GSDMD: variants seen among roughly 807,000 people sequenced by gnomAD.
GSDMD encodes the protein gasdermin-D.
Under a neutral mutation model 46.7 loss-of-function variants are expected in GSDMD, and 46 were observed. The ratio of observed to expected loss-of-function variants is 0.99; its 90% CI spans 0.78 to 1.26. GSDMD has a LOEUF of 1.26. GSDMD is among the 50% of genes most tolerant of loss of function. The probability of loss-of-function intolerance (pLI) is 0.00; values close to 1 mark genes in which losing one functional copy is unlikely to be tolerated. For synonymous variants in GSDMD, 307 were observed against 283.1 expected (o/e 1.08, Z -0.85); for missense variants, 649 against 638.8 (o/e 1.02, Z -0.17).
rs1265093573 is a variant in GSDMD, at chr8:143,561,361, G to A, written c.683-9G>A. On this transcript the variant is annotated splice_polypyrimidine_tract_variant and intron_variant, in intron 5 of 10. Transcript: ENST00000262580. ...TGCCTGTCCCTGTCTGCTCCCGTCT[G>A]GCTGCCAGACGTCCTTCTCTTCCCG... 6.2e-7 allele frequency: 1 copy of A among 1,603,604 alleles called. No individual in the cohort carries two copies. The highest frequency in any genetic ancestry group is 8.5e-7 in the Non-Finnish European group (1 of 1,175,118).
Position 143,558,571 on chromosome 8 carries a change from G to A in GSDMD, c.-5+120G>A, listed in dbSNP as rs954633406. 23 of 1,012,104 alleles carry A rather than the reference G, an allele frequency of 2.3e-5. No individual in the cohort carries two copies. In the South Asian group the frequency reaches 3.9e-4, roughly 17 times the overall value. 62.7% of individuals were successfully genotyped at this position (1,012,104 alleles called of 1,614,324 possible). ...CCAGCGTTCGCCCAGAAGGCCCCGC[G>A]CCGCACACGGGGGCGGAAGCTCCAG... On this transcript the variant is annotated intron_variant, in intron 1 of 10. Coordinates refer to ENST00000262580, the MANE Select transcript of GSDMD (RefSeq NM_024736.7).
intron 10 of GSDMD, 67 bp from the exon 11 acceptor site, chr8:143,562,595 G>A: frequency 6.3e-7 from 1 of 1,596,520 alleles, no homozygotes; most frequent in South Asian, 1.1e-5. Context: ...CCTGGGAAGG[G>A]GTGGTATGGG....
chr8:143,563,049 G>C lies in GSDMD; in HGVS notation c.*145G>C. ...GAGTTGGGGAAACACAATAAAGGTG[G>C]CATACGAAGGAAAGGCTGGTAGCAG... On this transcript the variant is annotated 3_prime_UTR_variant, in exon 11 of 11. Transcript: ENST00000262580. 1.1e-6 allele frequency: 1 copy of C among 898,190 alleles called. No homozygotes were observed. Among genetic ancestry groups the C allele is most frequent in the South Asian group, 1.4e-5 (1 of 72,898 alleles). The allele number at this position is 898,190 out of a possible 1,614,324, so 55.6% of individuals were successfully genotyped here.
In GSDMD at chr8:143,558,395, G is replaced by A. The variant is rs997652503; in HGVS notation, c.-61G>A. On this transcript the variant is annotated 5_prime_UTR_variant, in exon 1 of 11. Coordinates refer to ENST00000262580, the MANE Select transcript of GSDMD (RefSeq NM_024736.7). ...ACCTCCAGCTCCTGCTCGCCGGACG[G>A]CTCCCAGGGAGAGCAGACGCGCCAG... 1 of 1,516,380 alleles carries A rather than the reference G, an allele frequency of 6.6e-7. No individual in the cohort carries two copies. Among genetic ancestry groups the A allele is most frequent in the Non-Finnish European group, 8.8e-7 (1 of 1,138,848 alleles). The allele number at this position is 1,516,380 out of a possible 1,614,324, so 93.9% of individuals were successfully genotyped here.
intron 1 of GSDMD, 52 bp from the exon 2 acceptor site, chr8:143,559,280 T>TACCCCCC: frequency 3.5e-6 from 2 of 579,430 alleles, no homozygotes; most frequent in Non-Finnish European, 6.4e-6. Flanking sequence ...CTTCTCCCAC[T>TACCCCCC]CCCTCCCGCC....
chr8:143,555,480 C>A (rs1563901488), upstream of GSDMD, among the ~76,000 whole-genome samples: 1 of 152,228 alleles, frequency 6.6e-6, no homozygotes, highest in Non-Finnish European at 1.5e-5. Context: ...CCAGCCAGGA[C>A]CTTGACCCCT....
upstream of GSDMD, among the ~76,000 whole-genome samples, chr8:143,554,371 T>C (rs1427626049): frequency 1.3e-5 from 2 of 151,190 alleles, no homozygotes; most frequent in African/African-American, 2.4e-5. Flanking sequence ...CGCACGTGCA[T>C]GCACCCGCAC....
intron 10 of GSDMD, 30 bp from the exon 11 acceptor site, chr8:143,562,632 A>C (rs746210048): frequency 3.2e-5 from 51 of 1,601,464 alleles, no homozygotes; most frequent in Admixed American, 1.4e-4. Flanking sequence ...AGATTTCCCC[A>C]TCTGACTCAC....
intron 1 of GSDMD, chr8:143,558,699 G>C (rs1334708856): frequency 5.1e-6 from 3 of 587,130 alleles, no homozygotes; most frequent in African/African-American, 1.9e-5. Flanking sequence ...GGCCGGTGCT[G>C]TTCCCGCCCC....
In GSDMD at chr8:143,561,768, G is replaced by T. The variant is rs201739470; in HGVS notation, c.763G>T (p.Ala255Ser). The T allele has an allele frequency of 6.2e-7, 1 of 1,609,630 alleles. No homozygotes were observed. The change falls in exon 7 of 11, where the codon GCC becomes TCC. Residue 255 changes from alanine to serine, a missense_variant. Physicochemically the swap from Ala to Ser is moderately conservative, Grantham distance 99. Transcript: ENST00000262580. ...CCACAAGCGTTCCACGAGCGAAGGC[G>T]CCTGGCCACAGCTGCCCTCTGGCCT... ...TGHKRSTSEG[A>S]WPQLPSGLSM...
At chr8:143,562,167 T>C (rs1163335508) in intron 8 of GSDMD, 36 bp downstream of exon 8, 2 of 1,595,206 alleles carry the variant, frequency 1.3e-6, no homozygotes, top group East Asian at 4.5e-5. Flanking sequence ...ACACAAGGCC[T>C]GCCCAGCCAG....
At chr8:143,558,161 A>C (rs927073711), upstream of GSDMD, 4 of 677,980 alleles carry the variant, frequency 5.9e-6, no homozygotes, top group African/African-American at 1.9e-5. Flanking sequence ...TCAGAGTTTT[A>C]AGAAAAACCA....
chr8:143,558,196 A>G (rs1823353146), upstream of GSDMD: 2 of 865,534 alleles, frequency 2.3e-6, no homozygotes, highest in Non-Finnish European at 3.4e-6. Context: ...GTTTGAGGCT[A>G]CCAGGATGGG....
rs747418016 is a variant in GSDMD at position 143,560,840 on chromosome 8, C to T, written c.579+69C>T. 2.6e-5 allele frequency: 38 copies of T among 1,443,172 alleles called. No homozygotes were observed. The highest frequency in any genetic ancestry group is 8.1e-5 in the East Asian group (3 of 37,264). The allele number at this position is 1,443,172 out of a possible 1,614,324, so 89.4% of individuals were successfully genotyped here. A position where few individuals can be genotyped will look rare whatever the true frequency, so the allele number is the denominator to read the frequency against. On this transcript the variant is annotated intron_variant, in intron 4 of 10. Transcript: ENST00000262580. ...ATGCGGCGGCGGGTGACGGAGGCGGCGGGCTGGGCTCCGCCAAGGCCCCTC... is the reference window on the plus strand; with the variant it reads ...ATGCGGCGGCGGGTGACGGAGGCGGTGGGCTGGGCTCCGCCAAGGCCCCTC...
intron 7 of GSDMD, 29 bp from the exon 8 acceptor site, chr8:143,561,930 G>A (rs1230325037): frequency 6.2e-7 from 1 of 1,606,818 alleles, no homozygotes; most frequent in South Asian, 1.1e-5. Flanking sequence ...GTAAGCACCT[G>A]GGCAGTGCCA....
Position 143,562,784 on chromosome 8 carries a change from T to A in GSDMD, c.1335T>A (p.Cys445Ter). Residue 445 changes from cysteine to a stop codon, truncating the protein, a stop_gained, in exon 11 of 11, where the codon TGT (cysteine) becomes TGA (stop). Transcript: ENST00000262580. LOFTEE classifies it low-confidence loss of function (END_TRUNC). ...GAPAWVLLDE[C>*]GLELGEDTPH... Reference sequence around the variant, plus strand: ...CGGCCTGGGTCTTGCTGGACGAGTGTGGCCTAGAGCTGGGGGAGGACACTC... The same window carrying A: ...CGGCCTGGGTCTTGCTGGACGAGTGAGGCCTAGAGCTGGGGGAGGACACTC... The A allele has an allele frequency of 6.3e-7, 1 of 1,596,248 alleles. No homozygotes were observed. Among genetic ancestry groups the A allele is most frequent in the Non-Finnish European group, 8.5e-7 (1 of 1,171,988 alleles).
chr8:143,558,631 G>A (rs1823369081), intron 1 of GSDMD, 180 bp downstream of exon 1: 6 of 641,736 alleles, frequency 9.3e-6, no homozygotes, highest in Non-Finnish European at 1.5e-5. Context: ...CAGCCCAGGG[G>A]CCCGGCCTTT....
At chr8:143,557,354 T>TGACGACAGATGCTGCCGCTG (rs1563902663), upstream of GSDMD, among the ~76,000 whole-genome samples, 23 of 57,738 alleles carry the variant, frequency 4.0e-4, no homozygotes, top group East Asian at 1.1e-3. Flanking sequence ...TGCTGCCGCT[T>TGACGACAGATGCTGCCGCTG]TGGCGAAGGA....
upstream of GSDMD, among the ~76,000 whole-genome samples, chr8:143,557,294 G>GCAAAGGATGCTGCCGCTATGA (rs1358199723): frequency 1.3e-3 from 145 of 108,994 alleles, no homozygotes; most frequent in East Asian, 2.8e-3. Context: ...TGCCGCTATG[G>GCAAAGGATGCTGCCGCTATGA]CGAAGGATGC....
Sources: gnomAD v4.1 joint callset for allele counts (sites outside exome capture counted in the v4.1 genomes callset) on GRCh38, gnomAD v4.1.1 for gene constraint, MANE v1.5 for transcripts, NCBI Gene and HGNC (gene_info 2026-07-23, HGNC 2026-07-21) for gene names.